EIF4E3: variants seen among roughly 807,000 people sequenced by gnomAD.
EIF4E3 encodes eukaryotic translation initiation factor 4E family member 3, also known as eukaryotic translation initiation factor 4E type 3.
EIF4E3 carries 26 observed loss-of-function variants against 31.7 expected under a neutral mutation model. The ratio of observed to expected loss-of-function variants is 0.82; its 90% CI spans 0.60 to 1.14. EIF4E3 has a LOEUF of 1.14. Among genes scored for constraint, EIF4E3 ranks in the 50% most tolerant of loss-of-function variants. The pLI, the probability that EIF4E3 is intolerant of heterozygous loss-of-function variation, is 0.00. For synonymous variants in EIF4E3, 128 were observed against 107.7 expected (o/e 1.19, Z -1.17); for missense variants, 304 against 270.9 (o/e 1.12, Z -0.86).
chr3:71,711,488 C>A (rs1168574220), intron 1 of EIF4E3, among the ~76,000 whole-genome samples: 2 of 152,126 alleles, frequency 1.3e-5, no homozygotes, highest in Admixed American at 6.6e-5. Flanking sequence ...GAGACGTTGC[C>A]CCCAAGGACT....
upstream of EIF4E3, among the ~76,000 whole-genome samples, chr3:71,727,738 G>A (rs1039997922): frequency 6.6e-6 from 1 of 152,212 alleles, no homozygotes; most frequent in African/African-American, 2.4e-5. Flanking sequence ...ACACATATCT[G>A]TATAAAATTC....
At chr3:71,684,783 A>G in intron 6 of EIF4E3, 55 bp from the exon 7 acceptor site, 1 of 1,585,852 alleles carries the variant, frequency 6.3e-7, no homozygotes, top group Non-Finnish European at 8.6e-7. Flanking sequence ...CTTTAAGCAA[A>G]GGATGGGCCA....
chr3:71,692,823 G>A (rs2049082006), intron 5 of EIF4E3, among the ~76,000 whole-genome samples: 1 of 152,080 alleles, frequency 6.6e-6, no homozygotes, highest in Non-Finnish European at 1.5e-5. Context: ...TTGAACTCCT[G>A]GCCTCAAGTG....
chr3:71,693,182 C>T (rs181687142), intron 5 of EIF4E3, among the ~76,000 whole-genome samples: 1 of 152,294 alleles, frequency 6.6e-6, no homozygotes, highest in Admixed American at 6.5e-5. Context: ...TTTAAACAAG[C>T]AATTAAATTC....
intron 1 of EIF4E3, among the ~76,000 whole-genome samples, chr3:71,751,344 G>GAAGA (rs2049927408): frequency 6.6e-6 from 1 of 152,202 alleles, no homozygotes; most frequent in African/African-American, 2.4e-5. Flanking sequence ...TCTGCAAAAT[G>GAAGA]AAGACAGTAA....
rs146651191 is a variant in EIF4E3 at position 71,714,550 on chromosome 3, G to A, written c.177-4066C>T. On this transcript the variant is annotated intron_variant, in intron 1 of 6. Transcript: ENST00000425534. ...TTGGCGGGCCAGAGGAAGGCATGGC[G>A]TCCTTTTGTGAGCCAAATGTGATTC... Among the ~76,000 whole-genome samples the A allele has an allele frequency of 4.7e-4, 72 of 152,294 alleles. 1 individual carries two copies. The highest frequency in any genetic ancestry group is 1.7e-3 in the African/African-American group (69 of 41,548).
At chr3:71,722,028 G>C (rs866785424) in intron 1 of EIF4E3, among the ~76,000 whole-genome samples, 1 of 149,882 alleles carries the variant, frequency 6.7e-6, no homozygotes, top group Non-Finnish European at 1.5e-5. Flanking sequence ...GGGAGAAAAG[G>C]GTCCTGGGTG....
In EIF4E3 at chr3:71,690,037, T is replaced by C. The variant is rs766410412; in HGVS notation, c.601A>G (p.Ile201Val). ...LEKIYELLPH[I>V]TFKAVFYKPH... ...TTATAAAATACTGCTTTAAAAGTTA[T>C]GTGGGGCAGAAGTTCATAGATCTTT... Residue 201 changes from isoleucine (I) to valine (V), a missense_variant, in exon 6 of 7, where the codon ATA becomes GTA. By Grantham distance (29) the Ile-to-Val change is conservative. Coordinates refer to ENST00000425534, the MANE Select transcript of EIF4E3 (RefSeq NM_001134651.2). 4 of 1,612,744 alleles carry C rather than the reference T, an allele frequency of 2.5e-6. No homozygotes were observed. The highest frequency in any genetic ancestry group is 1.3e-5 in the African/African-American group (1 of 74,828).
intron 1 of EIF4E3, among the ~76,000 whole-genome samples, chr3:71,738,994 A>G (rs1008444742): frequency 7.1e-6 from 1 of 140,128 alleles, no homozygotes; most frequent in Non-Finnish European, 1.5e-5. Flanking sequence ...ATATATATAT[A>G]TATATATATA....
intron 1 of EIF4E3, among the ~76,000 whole-genome samples, chr3:71,751,430 A>C (rs529343245): frequency 6.6e-6 from 1 of 152,318 alleles, no homozygotes; most frequent in South Asian, 2.1e-4. Context: ...AATGCTTGGC[A>C]TACGGCAAGT....
At chr3:71,673,069 G>A (rs761220187), downstream of EIF4E3, among the ~76,000 whole-genome samples, 2 of 152,132 alleles carry the variant, frequency 1.3e-5, no homozygotes, top group Non-Finnish European at 2.9e-5. Context: ...CTGGGTCATG[G>A]GACAGATGCT....
chr3:71,747,599 A>T (rs1022576854), intron 1 of EIF4E3, among the ~76,000 whole-genome samples: 4 of 152,162 alleles, frequency 2.6e-5, no homozygotes, highest in Non-Finnish European at 5.9e-5. Flanking sequence ...TGTCTATTGA[A>T]GCACAAACCC....
upstream of EIF4E3, chr3:71,728,533 G>C (rs1302129204): frequency 1.3e-5 from 2 of 152,664 alleles, no homozygotes; most frequent in Admixed American, 1.3e-4. Flanking sequence ...GTAGCTTGAG[G>C]TCCGGACCAA....
intron 5 of EIF4E3, among the ~76,000 whole-genome samples, chr3:71,692,001 A>C (rs1402300132): frequency 6.6e-6 from 1 of 152,164 alleles, no homozygotes; most frequent in African/African-American, 2.4e-5. Context: ...TATTGGTCAA[A>C]GCGTAATGTA....
chr3:71,708,117 G>A (rs1166617425), intron 2 of EIF4E3, among the ~76,000 whole-genome samples: 5 of 152,026 alleles, frequency 3.3e-5, no homozygotes, highest in Admixed American at 1.3e-4. Flanking sequence ...CAAGTGATCC[G>A]CCCACCTTGG....
At chr3:71,746,894 C>T (rs1043042675) in intron 1 of EIF4E3, among the ~76,000 whole-genome samples, 3 of 152,168 alleles carry the variant, frequency 2.0e-5, no homozygotes, top group Admixed American at 1.3e-4. Context: ...TGTGGTCTTT[C>T]GTGTTTGACT....
At position 71,684,747 on chromosome 3, in the gene EIF4E3, AC is replaced by A; in HGVS notation, c.629-20del. The A allele has an allele frequency of 6.2e-7, 1 of 1,612,772 alleles. No homozygotes were observed. Among genetic ancestry groups the A allele is most frequent in the East Asian group, 2.2e-5 (1 of 44,856 alleles). On this transcript the variant is annotated intron_variant, in intron 6 of 6. Transcript: ENST00000425534. ...TCATGGGCTAAAGGACAGAAAAAAA[AC>A]AAAAAAGAAAAAAAGGAAAGAAAAC...
At chr3:71,662,025 T>G in the EIF4E3 span, among the ~76,000 whole-genome samples, 12 of 152,330 alleles carry the variant, frequency 7.9e-5, no homozygotes, top group East Asian at 2.3e-3. Context: ...ACATGTAATT[T>G]GTAAAAGAGT....
chr3:71,706,344 C>T (rs2049292664), intron 2 of EIF4E3, among the ~76,000 whole-genome samples: 1 of 152,184 alleles, frequency 6.6e-6, no homozygotes, highest in Admixed American at 6.5e-5. Context: ...AACGATTCCT[C>T]TCCCAAACCA....
Sources: allele counts gnomAD v4.1 joint callset (sites outside exome capture counted in the v4.1 genomes callset), GRCh38; gene constraint gnomAD v4.1.1; transcripts MANE v1.5; gene names NCBI Gene and HGNC (gene_info 2026-07-23, HGNC 2026-07-21).